Variants in CNTNAP2 observed in about 807,000 individuals in gnomAD.
The protein encoded by CNTNAP2 is contactin-associated protein-like 2.
Under a neutral mutation model 155.2 loss-of-function variants are expected in CNTNAP2, and 98 were observed. That is an observed-to-expected ratio of 0.63 (90% CI 0.54 to 0.75). The LOEUF is 0.75. CNTNAP2 is among the 30% of genes least tolerant of loss of function. The pLI is 0.00. For synonymous variants in CNTNAP2, 651 were observed against 631.2 expected, an observed-to-expected ratio of 1.03 and a Z score of -0.47; for missense variants, 1,727 against 1,688.1, an observed-to-expected ratio of 1.02 and a Z score of -0.40.
At chr7:147,381,699 A>G (rs1010954749) in intron 9 of CNTNAP2, among the ~76,000 whole-genome samples, 1 of 152,138 alleles carries the variant, frequency 6.6e-6, no homozygotes, top group African/African-American at 2.4e-5. Context: ...GTTTGTCAAC[A>G]TACTAGTCTG....
intron 4 of CNTNAP2, among the ~76,000 whole-genome samples, chr7:147,095,904 C>T (rs527350252): frequency 9.2e-5 from 14 of 152,128 alleles, no homozygotes; most frequent in East Asian, 1.9e-4. Context: ...AACAACAAAA[C>T]GACAGGCAGC....
At chr7:146,623,355 A>G (rs537086820) in intron 1 of CNTNAP2, among the ~76,000 whole-genome samples, 37 of 152,158 alleles carry the variant, frequency 2.4e-4, no homozygotes, top group African/African-American at 4.6e-4. Context: ...CAATTGCATA[A>G]TATATATTCA....
chr7:146,452,904 A>G (rs768412406), intron 1 of CNTNAP2, among the ~76,000 whole-genome samples: 4 of 152,256 alleles, frequency 2.6e-5, no homozygotes, highest in Non-Finnish European at 5.9e-5. Flanking sequence ...ACATGAGTCC[A>G]TAAAGCTGTA....
intron 4 of CNTNAP2, among the ~76,000 whole-genome samples, chr7:147,107,500 C>A (rs1800790470): frequency 6.6e-6 from 1 of 152,008 alleles, no homozygotes; most frequent in African/African-American, 2.4e-5. Context: ...AAAAAACAAA[C>A]AATGGTGCCC....
intron 21 of CNTNAP2, among the ~76,000 whole-genome samples, chr7:148,374,141 A>G (rs1798939421): frequency 6.6e-6 from 1 of 151,308 alleles, no homozygotes; most frequent in African/African-American, 2.4e-5. Flanking sequence ...TTCAATCCCT[A>G]CCTCAGGTCC....
intron 1 of CNTNAP2, among the ~76,000 whole-genome samples, chr7:146,452,122 TG>T (rs1002823653): frequency 6.6e-6 from 1 of 151,762 alleles, no homozygotes; most frequent in African/African-American, 2.4e-5. Context: ...TTAGCCAGGA[TG>T]GTCTTGATAT....
chr7:146,929,076 A>G (rs1485023733), intron 3 of CNTNAP2, among the ~76,000 whole-genome samples: 1 of 152,236 alleles, frequency 6.6e-6, no homozygotes, highest in East Asian at 1.9e-4. Context: ...ACAGCTTTGA[A>G]GAGAGCAGTG....
chr7:146,272,314 G>A (rs925943813), intron 1 of CNTNAP2, among the ~76,000 whole-genome samples: 11 of 152,096 alleles, frequency 7.2e-5, no homozygotes, highest in African/African-American at 2.7e-4. Flanking sequence ...TCACTCTAAT[G>A]ATTCTATTAC....
At chr7:146,500,801 A>G (rs1412803801) in intron 1 of CNTNAP2, among the ~76,000 whole-genome samples, 1 of 152,176 alleles carries the variant, frequency 6.6e-6, no homozygotes, top group East Asian at 1.9e-4. Flanking sequence ...GTTGTTCCTA[A>G]TCTTCAAAGA....
chr7:148,158,424 T>C (rs1805447033), intron 17 of CNTNAP2, among the ~76,000 whole-genome samples: 2 of 152,128 alleles, frequency 1.3e-5, no homozygotes, highest in Admixed American at 6.5e-5. Flanking sequence ...GATTTCACCA[T>C]GTTGGCCAGG....
chr7:147,377,575 G>T (rs1563181465), intron 9 of CNTNAP2, among the ~76,000 whole-genome samples: 1 of 151,714 alleles, frequency 6.6e-6, no homozygotes, highest in Admixed American at 6.6e-5. Flanking sequence ...TAATGGGAAT[G>T]TGTTGGTACT....
At chr7:148,040,827 T>C (rs922179179) in intron 15 of CNTNAP2, among the ~76,000 whole-genome samples, 3 of 147,292 alleles carry the variant, frequency 2.0e-5, no homozygotes, top group African/African-American at 7.5e-5. Context: ...AGGTAGGAAA[T>C]GGAAAGAGAG....
intron 1 of CNTNAP2, among the ~76,000 whole-genome samples, chr7:146,175,168 T>C (rs535799372): frequency 6.6e-6 from 1 of 152,230 alleles, no homozygotes; most frequent in African/African-American, 2.4e-5. Flanking sequence ...GTAGTAATAA[T>C]GGTAATGGAT....
intron 5 of CNTNAP2, among the ~76,000 whole-genome samples, chr7:147,109,455 C>T (rs1800830389): frequency 6.6e-6 from 1 of 151,964 alleles, no homozygotes; most frequent in Non-Finnish European, 1.5e-5. Context: ...ATTTGAGCTG[C>T]TTATGAAACA....
Position 146,770,317 on chromosome 7 carries a change from T to TACACAC in CNTNAP2, c.98-3926_98-3921dup, listed in dbSNP as rs60507060. Among the ~76,000 whole-genome samples the TACACAC allele has an allele frequency of 8.2e-3, 1,181 of 143,748 alleles. 8 individuals carry two copies. Among genetic ancestry groups the TACACAC allele is most frequent in the African/African-American group, 0.022 (851 of 39,078 alleles). The allele number at this position is 143,748 out of a possible 152,430, so 94.3% of individuals were successfully genotyped here. On this transcript the variant is annotated intron_variant, in intron 1 of 23. Coordinates refer to ENST00000361727, the MANE Select transcript of CNTNAP2 (RefSeq NM_014141.6). The stretch of plus-strand genomic sequence containing the variant: ...AATTATATATATATATGTGTGTGTA[T>TACACAC]ACACACACACACACACACACACACA...
intron 1 of CNTNAP2, among the ~76,000 whole-genome samples, chr7:146,416,230 A>G (rs770019241): frequency 4.4e-4 from 66 of 151,158 alleles, no homozygotes; most frequent in Non-Finnish European, 7.5e-4. Context: ...TGTATTGTCA[A>G]CACTAAATGT....
intron 3 of CNTNAP2, among the ~76,000 whole-genome samples, chr7:147,038,965 C>A (rs184979900): frequency 1.1e-3 from 166 of 152,270 alleles, no homozygotes; most frequent in African/African-American, 3.9e-3. Context: ...ACCTCTCCAT[C>A]TTCTCCCCTG....
At chr7:146,516,824 C>A (rs1180183980) in intron 1 of CNTNAP2, among the ~76,000 whole-genome samples, 1 of 151,910 alleles carries the variant, frequency 6.6e-6, no homozygotes, top group East Asian at 1.9e-4. Context: ...ATTTTATTGG[C>A]TATAAATGAA....
At chr7:147,215,598 A>C (rs1415434576) in intron 8 of CNTNAP2, among the ~76,000 whole-genome samples, 1 of 152,200 alleles carries the variant, frequency 6.6e-6, no homozygotes, top group African/African-American at 2.4e-5. Flanking sequence ...TACTGCAAGA[A>C]ATCTTCATTG....
Sources: allele counts gnomAD v4.1 joint callset (sites outside exome capture counted in the v4.1 genomes callset), GRCh38; gene constraint gnomAD v4.1.1; transcripts MANE v1.5; gene names NCBI Gene and HGNC (gene_info 2026-07-23, HGNC 2026-07-21).